The following KLHL6 variants were observed in gnomAD, a reference collection of about 807,000 sequenced individuals.
KLHL6 encodes the protein kelch-like protein 6.
Under a neutral mutation model 58.6 loss-of-function variants are expected in KLHL6, and 41 were observed. The observed-to-expected ratio is 0.70, with a 90% CI of 0.55 to 0.91. The LOEUF (loss-of-function observed/expected upper bound fraction) is 0.91. Ranked by LOEUF, KLHL6 falls within the 40% of genes least tolerant of loss-of-function variation. The pLI, the probability that KLHL6 is intolerant of heterozygous loss-of-function variation, is 0.00. For synonymous variants in KLHL6, 338 were observed against 322.7 expected (o/e 1.05, Z -0.51); for missense variants, 714 against 805.6 (o/e 0.89, Z 1.38).
At chr3:183,530,854 CAG>C (rs1427411575) in intron 1 of KLHL6, among the ~76,000 whole-genome samples, 1 of 132,250 alleles carries the variant, frequency 7.6e-6, no homozygotes, top group Non-Finnish European at 1.6e-5. Flanking sequence ...TTTTTTGAGA[CAG>C]AGTCTCACTC....
Position 183,494,195 on chromosome 3 carries a change from A to G in KLHL6, c.1234T>C (p.Trp412Arg). The G allele has an allele frequency of 6.2e-7, 1 of 1,614,048 alleles. No homozygotes were observed. Among genetic ancestry groups the G allele is most frequent in the Non-Finnish European group, 8.5e-7 (1 of 1,179,862 alleles). The change falls in exon 5 of 7, where the codon TGG (tryptophan) becomes CGG (arginine). Residue 412 changes from tryptophan (W) to arginine (R), a missense_variant. Trp to Arg is a moderately radical substitution (Grantham distance 101, BLOSUM62 -3). Coordinates refer to ENST00000341319, the MANE Select transcript of KLHL6 (RefSeq NM_130446.4). Reference sequence around the variant, plus strand: ...CCCAACACCACCATCTTATGCCTCCAGCGGCCTATGTTTAAATACTCAATC... The same window carrying G: ...CCCAACACCACCATCTTATGCCTCCGGCGGCCTATGTTTAAATACTCAATC... ...IQIEYLNIGR[W>R]RHKMVVLGGK...
intron 1 of KLHL6, among the ~76,000 whole-genome samples, chr3:183,545,416 T>C (rs1340719129): frequency 6.6e-6 from 1 of 152,210 alleles, no homozygotes; most frequent in Admixed American, 6.5e-5. Context: ...ATCCATGGGT[T>C]TGATGCAGGG....
chr3:183,504,270 T>C (rs61322457), intron 3 of KLHL6, among the ~76,000 whole-genome samples: 2,942 of 152,312 alleles, frequency 0.019, 93 homozygotes, highest in African/African-American at 0.067. Context: ...GACAGTTCTA[T>C]CAGTTGGTAG....
intron 4 of KLHL6, among the ~76,000 whole-genome samples, chr3:183,495,944 A>G (rs1717701712): frequency 6.6e-6 from 1 of 152,176 alleles, no homozygotes; most frequent in South Asian, 2.1e-4. Context: ...TTGGTTATTC[A>G]TTTGGATAAA....
At position 183,499,899 on chromosome 3, in the gene KLHL6, G is replaced by A; in HGVS notation, c.910-72C>T. 1 of 1,199,086 alleles carries A rather than the reference G, an allele frequency of 8.3e-7. No homozygotes were observed. The highest frequency in any genetic ancestry group is 1.2e-6 in the Non-Finnish European group (1 of 869,334). 74.3% of individuals were successfully genotyped at this position (1,199,086 alleles called of 1,614,324 possible). A position where few individuals can be genotyped will look rare whatever the true frequency, so the allele number is the denominator to read the frequency against. On this transcript the variant is annotated intron_variant, in intron 3 of 6. Coordinates refer to ENST00000341319, the MANE Select transcript of KLHL6 (RefSeq NM_130446.4). This position sits in a 1 kb window ranked among gnomAD's most constrained non-coding sequence, Gnocchi z 4.6. Reference sequence around the variant, plus strand: ...CAGAGCTCGGGCTATGGAGCCATTAGGAGTCGGGTCCAATTCCCATATCTG... The same window carrying A: ...CAGAGCTCGGGCTATGGAGCCATTAAGAGTCGGGTCCAATTCCCATATCTG...
intron 2 of KLHL6, among the ~76,000 whole-genome samples, chr3:183,524,841 T>C (rs1711896298): frequency 6.6e-6 from 1 of 152,254 alleles, no homozygotes. Flanking sequence ...TACTGACTTC[T>C]GCAGATGTTG....
intron 3 of KLHL6, among the ~76,000 whole-genome samples, chr3:183,507,372 C>A (rs146659939): frequency 4.6e-5 from 7 of 152,194 alleles, no homozygotes; most frequent in African/African-American, 1.2e-4. Context: ...AAGAGCAGCA[C>A]CCCCATGGAA....
At chr3:183,511,149 C>T (rs1188033922) in intron 2 of KLHL6, among the ~76,000 whole-genome samples, 1 of 152,132 alleles carries the variant, frequency 6.6e-6, no homozygotes, top group Non-Finnish European at 1.5e-5. Context: ...AGTAGGAGAG[C>T]AGGGTGATAG....
At chr3:183,547,209 G>A (rs927876328) in intron 1 of KLHL6, among the ~76,000 whole-genome samples, 9 of 152,118 alleles carry the variant, frequency 5.9e-5, no homozygotes, top group Non-Finnish European at 1.2e-4. Context: ...CACTGCACCC[G>A]ACCTCAGAGT....
At chr3:183,549,395 A>G (rs1464295295) in intron 1 of KLHL6, among the ~76,000 whole-genome samples, 1 of 152,232 alleles carries the variant, frequency 6.6e-6, no homozygotes, top group African/African-American at 2.4e-5. Flanking sequence ...ATATGATAGT[A>G]AATATTTCAG....
chr3:183,547,464 T>A (rs1712764668), intron 1 of KLHL6, among the ~76,000 whole-genome samples: 1 of 152,222 alleles, frequency 6.6e-6, no homozygotes, highest in Non-Finnish European at 1.5e-5. Context: ...TATCTTTCCA[T>A]AGTTTACATG....
In KLHL6 at chr3:183,500,203, G is replaced by T. The variant is rs375864300; in HGVS notation, c.910-376C>A. On this transcript the variant is annotated intron_variant, in intron 3 of 6. Coordinates refer to ENST00000341319, the MANE Select transcript of KLHL6 (RefSeq NM_130446.4). ...AACCTTAAATCCTGGAATTTTATTT[G>T]GCGCTACTTTCCATTCCCCCTTGGC... Among the ~76,000 whole-genome samples the T allele has an allele frequency of 8.2e-4, 125 of 152,228 alleles. 1 individual carries two copies. The highest frequency in any genetic ancestry group is 3.4e-3 in the Middle Eastern group (1 of 294).
At chr3:183,538,616 G>A (rs1472284833) in intron 1 of KLHL6, among the ~76,000 whole-genome samples, 1 of 152,180 alleles carries the variant, frequency 6.6e-6, no homozygotes, top group Non-Finnish European at 1.5e-5. Flanking sequence ...CTATTGTTAA[G>A]AAAGGATTAT....
At position 183,555,578 on chromosome 3, in the gene KLHL6, G is replaced by A; in HGVS notation, c.76C>T (p.Pro26Ser). 1 of 1,614,106 alleles carries A rather than the reference G, an allele frequency of 6.2e-7. No individual in the cohort carries two copies. Among genetic ancestry groups the A allele is most frequent in the Non-Finnish European group, 8.5e-7 (1 of 1,180,012 alleles). ...VEKSLEGPLA[P>S]STDEPSQKTG... The stretch of plus-strand genomic sequence containing the variant: ...TTCTGGGAGGGCTCATCTGTAGAAG[G>A]TGCCAGGGGCCCTTCCAAACTCTTC... Residue 26 changes from proline (P) to serine (S), a missense_variant, in exon 1 of 7, where the codon CCT becomes TCT. Transcript: ENST00000341319.
Position 183,492,002 on chromosome 3 carries a change from C to T in KLHL6, c.1791G>A (p.Ser597=), listed in dbSNP as rs2108661921. Residue 597 remains serine (S), a synonymous_variant, in exon 7 of 7, where the codon TCG becomes TCA. Transcript: ENST00000341319. This position sits in a 1 kb window ranked among gnomAD's most constrained non-coding sequence, Gnocchi z 5.9. The part of the protein sequence containing the change: ...TEECVLPRGV[S]HHGSVTIRKS... ...TCCTGATGGTGACGCTGCCGTGGTG[C>T]GACACGCCCCGGGGCAGGACGCACT... The T allele has an allele frequency of 1.9e-6, 3 of 1,597,068 alleles. No homozygotes were observed. Among genetic ancestry groups the T allele is most frequent in the Non-Finnish European group, 2.6e-6 (3 of 1,169,182 alleles).
chr3:183,502,379 G>C (rs1195651621), intron 3 of KLHL6, among the ~76,000 whole-genome samples: 1 of 152,016 alleles, frequency 6.6e-6, no homozygotes, highest in Non-Finnish European at 1.5e-5. Flanking sequence ...CATTGTGGTA[G>C]TGAGCATCCA....
chr3:183,502,185 C>G (rs1717883425), intron 3 of KLHL6, among the ~76,000 whole-genome samples: 2 of 152,030 alleles, frequency 1.3e-5, no homozygotes, highest in South Asian at 4.2e-4. Context: ...ACCTGTAATC[C>G]TAGCTACTCG....
chr3:183,538,008 C>T (rs544116979), intron 1 of KLHL6, among the ~76,000 whole-genome samples: 1 of 152,172 alleles, frequency 6.6e-6, no homozygotes, highest in African/African-American at 2.4e-5. Flanking sequence ...AATGAATCAA[C>T]CAACTTGTCC....
At chr3:183,493,997 A>G (rs530929272) in intron 5 of KLHL6, 82 bp downstream of exon 5, 34 of 1,284,432 alleles carry the variant, frequency 2.6e-5, no homozygotes, top group African/African-American at 4.4e-5. Flanking sequence ...GCTGACCACC[A>G]CGGCAGGCAC....
Sources: gnomAD v4.1 joint callset for allele counts (sites outside exome capture counted in the v4.1 genomes callset) on GRCh38, gnomAD v4.1.1 for gene constraint, Gnocchi (gnomAD v3.1) non-coding constraint, MANE v1.5 for transcripts, NCBI Gene and HGNC (gene_info 2026-07-23, HGNC 2026-07-21) for gene names.